The following LUC7L3 variants were observed in gnomAD, a reference collection of about 807,000 sequenced individuals.
The protein encoded by LUC7L3 is LUC7 like 3 pre-mRNA splicing factor, also known as luc7-like protein 3.
Under a neutral mutation model 66.8 loss-of-function variants are expected in LUC7L3, and 6 were observed. The observed-to-expected ratio is 0.09, with a 90% CI of 0.05 to 0.18. The LOEUF is 0.18. LUC7L3 is among the 10% of genes least tolerant of loss of function. The probability of loss-of-function intolerance (pLI) is 1.00; values close to 1 mark genes in which losing one functional copy is unlikely to be tolerated. For missense variants in LUC7L3, 341 were observed against 531.1 expected (o/e 0.64, Z 3.52); for synonymous variants, 160 against 174.7 (o/e 0.92, Z 0.66).
intron 9 of LUC7L3, 56 bp from the exon 10 acceptor site, chr17:50,750,445 A>G: frequency 6.0e-6 from 9 of 1,504,640 alleles, no homozygotes; most frequent in Non-Finnish European, 7.2e-6. Flanking sequence ...TTTCAAAATC[A>G]TGTCTTTATT....
At position 50,741,751 on chromosome 17, in the gene LUC7L3, A is replaced by G. The variant is rs767644425; in HGVS notation, c.426+20A>G. On this transcript the variant is annotated intron_variant, in intron 5 of 9. Coordinates refer to ENST00000505658, the MANE Select transcript of LUC7L3 (RefSeq NM_016424.5). Reference sequence around the variant, plus strand: ...CAACAGGTGAGAATTGTGTGCATTAATGTCAGGAAGTAATGTGAAACAGAC... The same window carrying G: ...CAACAGGTGAGAATTGTGTGCATTAGTGTCAGGAAGTAATGTGAAACAGAC... 3 of 1,584,244 alleles carry G rather than the reference A, an allele frequency of 1.9e-6. No individual in the cohort carries two copies. The highest frequency in any genetic ancestry group is 2.2e-5 in the East Asian group (1 of 44,692).
Position 50,750,761 on chromosome 17 carries a change from G to A in LUC7L3, c.*100G>A. On this transcript the variant is annotated 3_prime_UTR_variant, in exon 10 of 10. Coordinates refer to ENST00000505658, the MANE Select transcript of LUC7L3 (RefSeq NM_016424.5). ...CTGTTTGACAGTGCAGCGTAAGTAT[G>A]CACAGATGAAGATGGAACTAAGCCG... is the stretch of plus-strand genomic sequence containing the variant. 6.2e-7 allele frequency: 1 copy of A among 1,603,880 alleles called. No individual in the cohort carries two copies. Among genetic ancestry groups the A allele is most frequent in the African/African-American group, 1.3e-5 (1 of 74,746 alleles).
intron 1 of LUC7L3, among the ~76,000 whole-genome samples, chr17:50,733,879 A>C (rs1251772009): frequency 1.3e-5 from 2 of 152,262 alleles, no homozygotes; most frequent in Admixed American, 1.3e-4. Context: ...GTTAGGTCAC[A>C]GTAAAAGTGG....
intron 1 of LUC7L3, among the ~76,000 whole-genome samples, chr17:50,724,756 C>CTT (rs58826303): frequency 0.086 from 10,988 of 128,286 alleles, 848 homozygotes; most frequent in African/African-American, 0.17. Context: ...AATATTTTCT[C>CTT]TTTTTTTTTT....
At chr17:50,728,516 C>T (rs1597897217) in intron 1 of LUC7L3, among the ~76,000 whole-genome samples, 1 of 151,986 alleles carries the variant, frequency 6.6e-6, no homozygotes, top group East Asian at 1.9e-4. Context: ...AATATTGAGG[C>T]AGAAGTGACA....
intron 1 of LUC7L3, among the ~76,000 whole-genome samples, chr17:50,734,416 C>G (rs1292960551): frequency 6.6e-6 from 1 of 152,186 alleles, no homozygotes; most frequent in Non-Finnish European, 1.5e-5. Context: ...ATCCTCCCGC[C>G]TTGGCCTCCC....
intron 1 of LUC7L3, chr17:50,723,980 C>T (rs1968982260): frequency 2.2e-6 from 1 of 455,840 alleles, no homozygotes; most frequent in Non-Finnish European, 4.4e-6. Context: ...GTGTTGGCTT[C>T]TCAGAATTGC....
rs1233127132 is a variant in LUC7L3 at position 50,754,318 on chromosome 17, CCAA to C, written c.*3661_*3663del. The C allele has an allele frequency of 6.6e-6, 1 of 152,132 alleles. No individual in the cohort carries two copies. Among genetic ancestry groups the C allele is most frequent in the Non-Finnish European group, 1.5e-5 (1 of 68,018 alleles). 9.4% of individuals were successfully genotyped at this position (152,132 alleles called of 1,614,324 possible). ...ATAATTAACCTCTGTTAACTCATCA[CCAA>C]CAAGACTCATGACCACTTTTATACT... On this transcript the variant is annotated 3_prime_UTR_variant, in exon 10 of 10. Transcript: ENST00000505658.
chr17:50,745,574 G>A, intron 7 of LUC7L3, 146 bp from the exon 8 acceptor site: 1 of 604,302 alleles, frequency 1.7e-6, no homozygotes, highest in African/African-American at 1.9e-5. Context: ...GATACCTTGT[G>A]TATATACATG....
intron 7 of LUC7L3, 62 bp from the exon 8 acceptor site, chr17:50,745,658 G>A (rs1195330570): frequency 1.6e-5 from 21 of 1,333,842 alleles, no homozygotes; most frequent in Non-Finnish European, 2.1e-5. Flanking sequence ...CACATTAGTT[G>A]ACCATTGTTT....
chr17:50,751,115 T>G lies in LUC7L3; in HGVS notation c.*454T>G. The G allele has an allele frequency of 1.4e-6, 2 of 1,453,844 alleles. No individual in the cohort carries two copies. The highest frequency in any genetic ancestry group is 1.8e-6 in the Non-Finnish European group (2 of 1,111,510). The allele number at this position is 1,453,844 out of a possible 1,614,324, so 90.1% of individuals were successfully genotyped here. A position where few individuals can be genotyped will look rare whatever the true frequency, so the allele number is the denominator to read the frequency against. On this transcript the variant is annotated 3_prime_UTR_variant, in exon 10 of 10. Coordinates refer to ENST00000505658, the MANE Select transcript of LUC7L3 (RefSeq NM_016424.5). ...AAAACTTAAATATTTCGGAGGCACA[T>G]GTTGGACTACTTTGTTTTAATTAAA...
At chr17:50,734,637 C>G (rs1396110123) in intron 1 of LUC7L3, among the ~76,000 whole-genome samples, 1 of 152,132 alleles carries the variant, frequency 6.6e-6, no homozygotes, top group Non-Finnish European at 1.5e-5. Flanking sequence ...CAGGCCTGCA[C>G]CACTGTGCCC....
rs199798215 is a variant in LUC7L3 at position 50,750,612 on chromosome 17, A to G, written c.1250A>G (p.Asn417Ser). 1.3e-5 allele frequency: 21 copies of G among 1,614,142 alleles called. No individual in the cohort carries two copies. The highest frequency in any genetic ancestry group is 5.0e-5 in the Admixed American group (3 of 60,022). Residue 417 changes from asparagine to serine, a missense_variant, in exon 10 of 10, where the codon AAT (asparagine) becomes AGT (serine). Asn to Ser is a conservative substitution (Grantham distance 46). Transcript: ENST00000505658. ...GAAAGTGATACTAAGAATGAGGTCA[A>G]TGGGACCAGTGAAGACATTAAATCT... ...SKESDTKNEV[N>S]GTSEDIKSEG...
intron 8 of LUC7L3, 146 bp from the exon 9 acceptor site, chr17:50,746,396 A>T: frequency 1.3e-6 from 1 of 747,948 alleles, no homozygotes. Context: ...AAAGATTTTC[A>T]ATAATTTTTA....
intron 1 of LUC7L3, among the ~76,000 whole-genome samples, chr17:50,733,852 G>T (rs1351103103): frequency 6.6e-6 from 1 of 152,118 alleles, no homozygotes; most frequent in Non-Finnish European, 1.5e-5. Context: ...TCAAAACAGG[G>T]TTAATATAAT....
chr17:50,749,462 A>G (rs1188022786), intron 9 of LUC7L3: 4 of 884,772 alleles, frequency 4.5e-6, no homozygotes, highest in African/African-American at 3.5e-5. Context: ...GTTACGGACT[A>G]AATATGCTCT....
chr17:50,735,828 T>A (rs1410554501), intron 1 of LUC7L3, among the ~76,000 whole-genome samples: 3 of 152,136 alleles, frequency 2.0e-5, no homozygotes, highest in Admixed American at 2.0e-4. Context: ...TGTGTTATAG[T>A]TGTGCATTAA....
intron 1 of LUC7L3, chr17:50,722,009 A>T (rs1968803644): frequency 6.6e-6 from 1 of 151,906 alleles, no homozygotes; most frequent in Admixed American, 6.6e-5. Flanking sequence ...AACAGTCAAA[A>T]TGCTAACTTT....
At position 50,753,008 on chromosome 17, in the gene LUC7L3, A is replaced by G. The variant is rs1313186109; in HGVS notation, c.*2347A>G. 6.6e-6 allele frequency: 1 copy of G among 152,200 alleles called. No homozygotes were observed. The highest frequency in any genetic ancestry group is 2.4e-5 in the African/African-American group (1 of 41,446). The allele number at this position is 152,200 out of a possible 1,614,324, so 9.4% of individuals were successfully genotyped here. ...ATGGGATGATGTAGAAAAGCATTCA[A>G]GAGCTAGTTTTTGTTAAGTCCTGTA... On this transcript the variant is annotated 3_prime_UTR_variant, in exon 10 of 10. Coordinates refer to ENST00000505658, the MANE Select transcript of LUC7L3 (RefSeq NM_016424.5).
Sources: gnomAD v4.1 joint callset for allele counts (sites outside exome capture counted in the v4.1 genomes callset) on GRCh38, gnomAD v4.1.1 for gene constraint, MANE v1.5 for transcripts, NCBI Gene and HGNC (gene_info 2026-07-23, HGNC 2026-07-21) for gene names.